CYP26A1: variants seen among roughly 807,000 people sequenced by gnomAD.
The protein encoded by CYP26A1 is cytochrome P450 26A1.
Under a neutral mutation model 47.4 loss-of-function variants are expected in CYP26A1, and 46 were observed. The observed-to-expected ratio is 0.97, with a 90% CI of 0.77 to 1.24. CYP26A1 has a LOEUF of 1.24. Among genes scored for constraint, CYP26A1 ranks in the 50% most tolerant of loss-of-function variants. The pLI, the probability that CYP26A1 is intolerant of heterozygous loss-of-function variation, is 0.00. For missense variants in CYP26A1, 680 were observed against 644.4 expected (o/e 1.06, Z -0.60); for synonymous variants, 277 against 263.7 (o/e 1.05, Z -0.49).
In CYP26A1 at chr10:93,076,636, T is replaced by C. The variant is rs1846981043; in HGVS notation, c.1092T>C (p.Leu364=). ...TCGGGTGTGTTATTAAGGAGACCCT[T>C]CGACTGAATCCCCCAGTTCCAGGAG... ...KYIGCVIKET[L]RLNPPVPGGF... Residue 364 remains leucine (L), a synonymous_variant, in exon 6 of 7, where the codon CTT becomes CTC. Coordinates refer to ENST00000224356, the MANE Select transcript of CYP26A1 (RefSeq NM_000783.4). 6.2e-7 allele frequency: 1 copy of C among 1,610,612 alleles called. No individual in the cohort carries two copies.
At chr10:93,076,357 C>A in intron 5 of CYP26A1, 187 bp from the exon 6 acceptor site, 1 of 561,708 alleles carries the variant, frequency 1.8e-6, no homozygotes, top group South Asian at 2.3e-5. Flanking sequence ...GCAGCATTCT[C>A]CTGGGATTGT....
chr10:93,073,600 C>A, upstream of CYP26A1: 1 of 342,956 alleles, frequency 2.9e-6, no homozygotes, highest in East Asian at 6.0e-5. Flanking sequence ...TCCTCGGAGT[C>A]CTGGCCCTCC....
rs763489573 is a variant in CYP26A1, at chr10:93,074,797, A to G, written c.433A>G (p.Ser145Gly). ...GACTCAGGTGATTATGCGGGCCTTC[A>G]GCCGCGAGGCACTCGAATGCTACGT... ...QRKKVIMRAFSREALECYVPV... is the reference protein window; with the variant it reads ...QRKKVIMRAFGREALECYVPV... The change falls in exon 3 of 7, where the codon AGC (serine) becomes GGC (glycine). Residue 145 changes from serine (S) to glycine (G), a missense_variant. Physicochemically the swap from Ser to Gly is moderately conservative, Grantham distance 56. Transcript: ENST00000224356. The surrounding 1 kb of genome is among the most constrained non-coding windows in gnomAD (Gnocchi z 5.3). 6 of 1,605,968 alleles carry G rather than the reference A, an allele frequency of 3.7e-6. No homozygotes were observed. In the Admixed American group the frequency reaches 8.3e-5, roughly 22 times the overall value.
chr10:93,075,437 C>A, intron 4 of CYP26A1, 130 bp downstream of exon 4: 2 of 806,362 alleles, frequency 2.5e-6, no homozygotes, highest in Non-Finnish European at 3.9e-6. Context: ...CAGACTACAG[C>A]TATGGAATCC....
Position 93,073,974 on chromosome 10 carries a change from T to G in CYP26A1, c.40T>G (p.Phe14Val), listed in dbSNP as rs1564956287. 2 of 1,444,594 alleles carry G rather than the reference T, an allele frequency of 1.4e-6. No individual in the cohort carries two copies. The highest frequency in any genetic ancestry group is 4.5e-5 in the East Asian group (2 of 44,082). The allele number at this position is 1,444,594 out of a possible 1,614,324, so 89.5% of individuals were successfully genotyped here. A position where few individuals can be genotyped will look rare whatever the true frequency, so the allele number is the denominator to read the frequency against. ...GCTGCTGGCCAGTGCGCTCTGCACC[T>G]TCGTGCTGCCGCTGCTGCTCTTCCT... ...PALLASALCTFVLPLLLFLAA... is the reference protein window; with the variant it reads ...PALLASALCTVVLPLLLFLAA... Residue 14 changes from phenylalanine (F) to valine (V), a missense_variant, in exon 1 of 7, where the codon TTC (phenylalanine) becomes GTC (valine). By Grantham distance (50) the Phe-to-Val change is conservative. Coordinates refer to ENST00000224356, the MANE Select transcript of CYP26A1 (RefSeq NM_000783.4).
chr10:93,075,376 GC>G, intron 4 of CYP26A1, 69 bp downstream of exon 4: 4 of 1,479,632 alleles, frequency 2.7e-6, no homozygotes, highest in South Asian at 1.2e-5. Context: ...TGTTCCTGGG[GC>G]CCCCAAAGCG....
Position 93,076,213 on chromosome 10 carries a change from C to A in CYP26A1, c.999+253C>A, listed in dbSNP as rs1351068760. On this transcript the variant is annotated intron_variant, in intron 5 of 6. Coordinates refer to ENST00000224356, the MANE Select transcript of CYP26A1 (RefSeq NM_000783.4). ...CACCTTTTGCTGAACCGTGGAGATT[C>A]TCAGATAGGTTCCACTTTCTTGAAT... 3 of 494,208 alleles carry A rather than the reference C, an allele frequency of 6.1e-6. No individual in the cohort carries two copies. In the East Asian group the frequency reaches 1.0e-4, roughly 17 times the overall value. 30.6% of individuals were successfully genotyped at this position (494,208 alleles called of 1,614,324 possible).
chr10:93,074,003 TG>T lies in CYP26A1; in HGVS notation c.70del (p.Ala24ArgfsTer10). Reference protein sequence around the residue: ...FVLPLLLFLAAIKLWDLYCVS... With the variant: ...FVLPLLLFLAXIKLWDLYCVS... ...TGCTGCCGCTGCTGCTCTTCCTGGC[TG>T]CGATCAAGCTCTGGGACCTGTACTG... On this transcript the variant is annotated frameshift_variant, in exon 1 of 7. Coordinates refer to ENST00000224356, the MANE Select transcript of CYP26A1 (RefSeq NM_000783.4). LOFTEE classifies it high-confidence loss of function. This position sits in a 1 kb window ranked among gnomAD's most constrained non-coding sequence, Gnocchi z 5.3. The T allele has an allele frequency of 2.5e-6, 4 of 1,589,392 alleles. No homozygotes were observed. Among genetic ancestry groups the T allele is most frequent in the Non-Finnish European group, 3.5e-6 (4 of 1,158,704 alleles).
rs1417850784 is a variant in CYP26A1 at position 93,074,246 on chromosome 10, G to A, written c.190-62G>A. The A allele has an allele frequency of 2.6e-6, 4 of 1,518,154 alleles. No homozygotes were observed. Among genetic ancestry groups the A allele is most frequent in the Non-Finnish European group, 2.7e-6 (3 of 1,107,216 alleles). 94.0% of individuals were successfully genotyped at this position (1,518,154 alleles called of 1,614,324 possible). On this transcript the variant is annotated intron_variant, in intron 1 of 6. Coordinates refer to ENST00000224356, the MANE Select transcript of CYP26A1 (RefSeq NM_000783.4). The surrounding 1 kb of genome is among the most constrained non-coding windows in gnomAD (Gnocchi z 5.3). The stretch of plus-strand genomic sequence containing the variant: ...ATTGCGGCTAGGAGCAGGGCTGGCG[G>A]GAGCGCGGCGCTCCCCGGCGCCCCC...
chr10:93,074,895 C>T lies in CYP26A1; in HGVS notation c.531C>T (p.Val177=), dbSNP rs1846951422. The change falls in exon 3 of 7, where the codon GTC becomes GTT. Residue 177 remains valine (V), a synonymous_variant. Transcript: ENST00000224356. The surrounding 1 kb of genome is among the most constrained non-coding windows in gnomAD (Gnocchi z 5.3). ...WLSCGERGLL[V]YPEVKRLMFR... ...GCTGCGGCGAGCGCGGCCTCCTGGTCTACCCCGAGGTGAAGCGCCTCATGT... is the reference window on the plus strand; with the variant it reads ...GCTGCGGCGAGCGCGGCCTCCTGGTTTACCCCGAGGTGAAGCGCCTCATGT... 1 of 1,613,182 alleles carries T rather than the reference C, an allele frequency of 6.2e-7. No homozygotes were observed. The highest frequency in any genetic ancestry group is 1.3e-5 in the African/African-American group (1 of 75,080).
rs1471395401 is a variant in CYP26A1 at position 93,074,763 on chromosome 10, C to G, written c.415-16C>G. On this transcript the variant is annotated splice_polypyrimidine_tract_variant and intron_variant, in intron 2 of 6. Transcript: ENST00000224356. The surrounding 1 kb of genome is among the most constrained non-coding windows in gnomAD (Gnocchi z 5.3). ...CGGATGGAGGCTTTTAACGCTGTCC[C>G]CTCCTCGGGACTCAGGTGATTATGC... is the stretch of plus-strand genomic sequence containing the variant. 1 of 1,589,812 alleles carries G rather than the reference C, an allele frequency of 6.3e-7. No individual in the cohort carries two copies. The highest frequency in any genetic ancestry group is 1.3e-5 in the African/African-American group (1 of 74,828).
rs1010072383 is a variant in CYP26A1 at position 93,076,899 on chromosome 10, G to T, written c.1153-64G>T. ...ATTTCCCCCAAAGATATCAGTGACT[G>T]CTTTTTGTTGTTGAAAGTTAAATTC... On this transcript the variant is annotated intron_variant, in intron 6 of 6. Coordinates refer to ENST00000224356, the MANE Select transcript of CYP26A1 (RefSeq NM_000783.4). The T allele has an allele frequency of 5.9e-6, 7 of 1,177,132 alleles. No individual in the cohort carries two copies. The African/African-American group carries it at 1.1e-4, about 18-fold the overall frequency. 72.9% of individuals were successfully genotyped at this position (1,177,132 alleles called of 1,614,324 possible).
At chr10:93,076,879 C>T in intron 6 of CYP26A1, 84 bp from the exon 7 acceptor site, 7 of 1,067,090 alleles carry the variant, frequency 6.6e-6, no homozygotes, top group Admixed American at 2.4e-5. Context: ...TCATAATTTC[C>T]CCCAAAGATA....
In CYP26A1 at chr10:93,074,371, G is replaced by C. The variant is rs768695011; in HGVS notation, c.253G>C (p.Gly85Arg). 17 of 1,612,292 alleles carry C rather than the reference G, an allele frequency of 1.1e-5. No homozygotes were observed. Among genetic ancestry groups the C allele is most frequent in the Middle Eastern group, 1.6e-4 (1 of 6,084 alleles). Residue 85 changes from glycine (G) to arginine (R), a missense_variant, in exon 2 of 7, where the codon GGG becomes CGG. By Grantham distance (125) the Gly-to-Arg change is moderately radical (BLOSUM62 -2). Transcript: ENST00000224356. The surrounding 1 kb of genome is among the most constrained non-coding windows in gnomAD (Gnocchi z 5.3). ...YGFIYKTHLF[G>R]RPTVRVMGAD... ...CTTCATCTACAAGACGCATCTGTTC[G>C]GGCGGCCCACCGTACGGGTGATGGG...
chr10:93,073,818 C>A, upstream of CYP26A1: 1 of 591,274 alleles, frequency 1.7e-6, no homozygotes, highest in Non-Finnish European at 3.0e-6. Flanking sequence ...TTTGGGTGAA[C>A]TAATTGTCTG....
In CYP26A1 at chr10:93,073,993, T is replaced by C. The variant is rs1418460952; in HGVS notation, c.59T>C (p.Leu20Pro). 1.3e-6 allele frequency: 2 copies of C among 1,565,166 alleles called. No individual in the cohort carries two copies. The highest frequency in any genetic ancestry group is 1.8e-6 in the Non-Finnish European group (2 of 1,137,102). Residue 20 changes from leucine to proline, a missense_variant, in exon 1 of 7, where the codon CTC becomes CCC. Transcript: ENST00000224356. The part of the protein sequence containing the change: ...ALCTFVLPLL[L>P]FLAAIKLWDL... ...TGCACCTTCGTGCTGCCGCTGCTGC[T>C]CTTCCTGGCTGCGATCAAGCTCTGG...
In CYP26A1 at chr10:93,075,169, C is replaced by T; in HGVS notation, c.726C>T (p.Leu242=). 1 of 1,613,672 alleles carries T rather than the reference C, an allele frequency of 6.2e-7. No individual in the cohort carries two copies. The highest frequency in any genetic ancestry group is 1.1e-5 in the South Asian group (1 of 91,074). Residue 242 remains leucine (L), a synonymous_variant, in exon 4 of 7, where the codon CTC becomes CTT. Coordinates refer to ENST00000224356, the MANE Select transcript of CYP26A1 (RefSeq NM_000783.4). Reference sequence around the variant, plus strand: ...CTCAGGGCATGAAGGCGCGGAACCTCATTCACGCGCGCATCGAGCAGAACA... The same window carrying T: ...CTCAGGGCATGAAGGCGCGGAACCTTATTCACGCGCGCATCGAGCAGAACA... ...GLYRGMKARN[L]IHARIEQNIR...
chr10:93,074,388 G>T lies in CYP26A1; in HGVS notation c.270G>T (p.Arg90=), dbSNP rs767835603. ...ATCTGTTCGGGCGGCCCACCGTACG[G>T]GTGATGGGCGCGGACAATGTGCGGC... The part of the protein sequence containing the change: ...KTHLFGRPTV[R]VMGADNVRRI... The change falls in exon 2 of 7, where the codon CGG becomes CGT. Residue 90 remains arginine (R), a synonymous_variant. Coordinates refer to ENST00000224356, the MANE Select transcript of CYP26A1 (RefSeq NM_000783.4). The surrounding 1 kb of genome is among the most constrained non-coding windows in gnomAD (Gnocchi z 5.3). 1 of 1,611,832 alleles carries T rather than the reference G, an allele frequency of 6.2e-7. No individual in the cohort carries two copies. The highest frequency in any genetic ancestry group is 8.5e-7 in the Non-Finnish European group (1 of 1,178,590).
At position 93,074,358 on chromosome 10, in the gene CYP26A1, G is replaced by A. The variant is rs1418347511; in HGVS notation, c.240G>A (p.Lys80=). The change falls in exon 2 of 7, where the codon AAG becomes AAA. Residue 80 remains lysine, a synonymous_variant. Transcript: ENST00000224356. This position sits in a 1 kb window ranked among gnomAD's most constrained non-coding sequence, Gnocchi z 5.3. Reference sequence around the variant, plus strand: ...GCAGGAAATACGGCTTCATCTACAAGACGCATCTGTTCGGGCGGCCCACCG... The same window carrying A: ...GCAGGAAATACGGCTTCATCTACAAAACGCATCTGTTCGGGCGGCCCACCG... ...MKRRKYGFIY[K]THLFGRPTVR... 2 of 1,612,318 alleles carry A rather than the reference G, an allele frequency of 1.2e-6. No homozygotes were observed.
Sources: allele counts gnomAD v4.1 joint callset, GRCh38; gene constraint gnomAD v4.1.1; non-coding constraint Gnocchi (gnomAD v3.1); transcripts MANE v1.5; gene names NCBI Gene and HGNC (gene_info 2026-07-23, HGNC 2026-07-21).